Variants in PRKN observed in about 807,000 individuals in gnomAD.
The protein encoded by PRKN is parkin RBR E3 ubiquitin protein ligase, also known as E3 ubiquitin-protein ligase parkin.
PRKN carries 56 observed loss-of-function variants against 59.5 expected under a neutral mutation model. The ratio of observed to expected loss-of-function variants is 0.94; its 90% CI spans 0.76 to 1.18. The LOEUF (loss-of-function observed/expected upper bound fraction) is 1.18. PRKN is among the 50% of genes most tolerant of loss of function. The pLI is 0.00. For synonymous variants in PRKN, 250 were observed against 222.1 expected, an observed-to-expected ratio of 1.13 and a Z score of -1.12; for missense variants, 657 against 596.4, an observed-to-expected ratio of 1.10 and a Z score of -1.06.
chr6:161,478,969 T>C (rs1277041843), intron 9 of PRKN, among the ~76,000 whole-genome samples: 1 of 152,212 alleles, frequency 6.6e-6, no homozygotes, highest in East Asian at 1.9e-4. Flanking sequence ...AATAATGATA[T>C]TTCATAAAAT....
chr6:161,901,968 A>G (rs1777933534), intron 6 of PRKN, among the ~76,000 whole-genome samples: 1 of 152,182 alleles, frequency 6.6e-6, no homozygotes, highest in Non-Finnish European at 1.5e-5. Context: ...CCTGGCCTGC[A>G]CATTAAGTGA....
chr6:162,255,077 AAAAATAAAATAAAATAAAATAAAAT>A (rs200687735), intron 3 of PRKN, among the ~76,000 whole-genome samples: 2 of 138,344 alleles, frequency 1.4e-5, no homozygotes. Context: ...AGATTCATAC[AAAAATAAAATAAAATAAAATAAAAT>A]AAAATAAAAT....
intron 4 of PRKN, among the ~76,000 whole-genome samples, chr6:162,073,765 A>T (rs1033633778): frequency 1.3e-5 from 2 of 152,210 alleles, no homozygotes; most frequent in African/African-American, 4.8e-5. Flanking sequence ...TACAGCTTTT[A>T]AAACATAATT....
At chr6:162,138,109 A>G (rs1405410907) in intron 4 of PRKN, among the ~76,000 whole-genome samples, 1 of 152,182 alleles carries the variant, frequency 6.6e-6, no homozygotes, top group Non-Finnish European at 1.5e-5. Context: ...ACAATACCTA[A>G]AAGAAGTGAC....
chr6:162,456,090 C>T (rs1217774587), intron 1 of PRKN, among the ~76,000 whole-genome samples: 1 of 152,032 alleles, frequency 6.6e-6, no homozygotes, highest in Non-Finnish European at 1.5e-5. Context: ...ACAAATATTA[C>T]TAATAAATTT....
chr6:161,672,209 G>A (rs943058922), intron 7 of PRKN, among the ~76,000 whole-genome samples: 13 of 152,208 alleles, frequency 8.5e-5, no homozygotes, highest in East Asian at 5.8e-4. Context: ...TGCAGATAAC[G>A]TGTAGATACT....
At chr6:162,264,188 A>G (rs956534533) in intron 2 of PRKN, among the ~76,000 whole-genome samples, 1 of 152,234 alleles carries the variant, frequency 6.6e-6, no homozygotes, top group Non-Finnish European at 1.5e-5. Context: ...GAAACAAGAT[A>G]ATTGCTTGAA....
At chr6:161,816,281 C>G (rs1272018971) in intron 6 of PRKN, among the ~76,000 whole-genome samples, 3 of 152,020 alleles carry the variant, frequency 2.0e-5, no homozygotes, top group Non-Finnish European at 1.5e-5. Context: ...AACTCCACTT[C>G]CAAAACCTCT....
At chr6:161,421,744 G>A (rs536154279) in intron 9 of PRKN, among the ~76,000 whole-genome samples, 1 of 152,102 alleles carries the variant, frequency 6.6e-6, no homozygotes, top group South Asian at 2.1e-4. Flanking sequence ...TTTTGTGCAG[G>A]GTCTACACAG....
At chr6:162,200,796 C>T (rs150459694) in intron 4 of PRKN, among the ~76,000 whole-genome samples, 370 of 152,296 alleles carry the variant, frequency 2.4e-3, no homozygotes, top group Non-Finnish European at 4.4e-3. Context: ...ACATTTTTAG[C>T]AGCCTAAGGT....
intron 1 of PRKN, among the ~76,000 whole-genome samples, chr6:162,723,209 G>C (rs578194835): frequency 1.3e-5 from 2 of 152,256 alleles, no homozygotes; most frequent in East Asian, 3.9e-4. Context: ...AGCAGTTAAG[G>C]GTACATAGCA....
intron 7 of PRKN, among the ~76,000 whole-genome samples, chr6:161,739,125 C>A (rs190101100): frequency 6.6e-6 from 1 of 151,986 alleles, no homozygotes; most frequent in East Asian, 1.9e-4. Flanking sequence ...AGGGGCAGGG[C>A]GGCCAGGTGC....
intron 4 of PRKN, among the ~76,000 whole-genome samples, chr6:162,125,451 T>C (rs1360957345): frequency 6.6e-6 from 1 of 152,148 alleles, no homozygotes; most frequent in Non-Finnish European, 1.5e-5. Context: ...TTAGGGACAA[T>C]ATTTTTTTCC....
chr6:161,474,685 C>T (rs572084444), intron 9 of PRKN, among the ~76,000 whole-genome samples: 3 of 151,588 alleles, frequency 2.0e-5, no homozygotes, highest in South Asian at 4.2e-4. Context: ...AGCTCCGCCT[C>T]GTGGGTTCAC....
In PRKN at chr6:161,403,846, T is replaced by C. The variant is rs189189078; in HGVS notation, c.1084-16969A>G. On this transcript the variant is annotated intron_variant, in intron 9 of 11. Transcript: ENST00000366898. ...GAGTGGGTTACTGTGGGAGGAGCTT[T>C]GTTAAAAACCTTTCTCTCTCTTTCA... Among the ~76,000 whole-genome samples, 236 of 152,312 alleles carry C rather than the reference T, an allele frequency of 1.5e-3. 1 individual carries two copies. The highest frequency in any genetic ancestry group is 5.3e-3 in the African/African-American group (221 of 41,554).
At chr6:162,644,688 A>G (rs1056931150) in intron 1 of PRKN, among the ~76,000 whole-genome samples, 1 of 152,222 alleles carries the variant, frequency 6.6e-6, no homozygotes, top group African/African-American at 2.4e-5. Flanking sequence ...CTAGCTAAGT[A>G]CCACTAGGCA....
chr6:162,568,539 G>C lies in PRKN; in HGVS notation c.8-125066C>G, dbSNP rs571697953. On this transcript the variant is annotated intron_variant, in intron 1 of 11. Transcript: ENST00000366898. ...GAGACTGCTGAGCCTCCTTAACCTG[G>C]AGGTGGACCCCAACATCCAGGCCGT... is the stretch of plus-strand genomic sequence containing the variant. 25 of 764,464 alleles carry C rather than the reference G, an allele frequency of 3.3e-5. No homozygotes were observed. In the East Asian group the frequency reaches 5.8e-4, roughly 18 times the overall value. 47.4% of individuals were successfully genotyped at this position (764,464 alleles called of 1,614,324 possible). A position where few individuals can be genotyped will look rare whatever the true frequency, so the allele number is the denominator to read the frequency against.
intron 6 of PRKN, among the ~76,000 whole-genome samples, chr6:161,830,555 C>T (rs543155064): frequency 9.4e-4 from 143 of 152,208 alleles, no homozygotes; most frequent in Middle Eastern, 6.8e-3. Flanking sequence ...CCCGGCCCGC[C>T]TTTGTTTTAC....
At chr6:161,680,962 T>A (rs12214704) in intron 7 of PRKN, among the ~76,000 whole-genome samples, 10,076 of 151,708 alleles carry the variant, frequency 0.066, 440 homozygotes, top group South Asian at 0.14. Context: ...TAAAATTTTT[T>A]AAATTTTTTA....
Sources: gnomAD v4.1 joint callset for allele counts (sites outside exome capture counted in the v4.1 genomes callset) on GRCh38, gnomAD v4.1.1 for gene constraint, MANE v1.5 for transcripts, NCBI Gene and HGNC (gene_info 2026-07-23, HGNC 2026-07-21) for gene names.